The following DLG2 variants were observed in gnomAD, a reference collection of about 807,000 sequenced individuals.
DLG2 encodes disks large homolog 2.
Under a neutral mutation model 132.5 loss-of-function variants are expected in DLG2, and 45 were observed. The ratio of observed to expected loss-of-function variants is 0.34; its 90% CI spans 0.27 to 0.44. The LOEUF (loss-of-function observed/expected upper bound fraction) is 0.44. Ranked by LOEUF, DLG2 falls within the 20% of genes least tolerant of loss-of-function variation. The pLI is 1.00. For missense variants in DLG2, 1,045 were observed against 1,196.9 expected, an observed-to-expected ratio of 0.87 and a Z score of 1.87; for synonymous variants, 424 against 419.6, an observed-to-expected ratio of 1.01 and a Z score of -0.13.
chr11:83,882,845 G>A (rs2066663819), intron 15 of DLG2, among the ~76,000 whole-genome samples: 1 of 152,160 alleles, frequency 6.6e-6, no homozygotes, highest in Non-Finnish European at 1.5e-5. Flanking sequence ...TATCTTTAAA[G>A]AATAGCATGG....
At chr11:83,813,628 A>G (rs1423056128) in intron 17 of DLG2, among the ~76,000 whole-genome samples, 1 of 152,162 alleles carries the variant, frequency 6.6e-6, no homozygotes, top group Non-Finnish European at 1.5e-5. Flanking sequence ...TACATGGTTT[A>G]GTATTTAAAA....
chr11:85,398,467 T>G (rs946118530), intron 3 of DLG2, among the ~76,000 whole-genome samples: 1 of 151,906 alleles, frequency 6.6e-6, no homozygotes, highest in African/African-American at 2.4e-5. Context: ...AAAAAAATCT[T>G]CAAAAAATCA....
intron 6 of DLG2, among the ~76,000 whole-genome samples, chr11:84,589,006 A>T (rs2099536495): frequency 6.6e-6 from 1 of 152,090 alleles, no homozygotes; most frequent in African/African-American, 2.4e-5. Context: ...CAGAAGGGAC[A>T]ATAGTGAGGA....
intron 15 of DLG2, among the ~76,000 whole-genome samples, chr11:83,880,816 A>G (rs2066031869): frequency 6.6e-6 from 1 of 152,194 alleles, no homozygotes. Flanking sequence ...ATAATTATTA[A>G]AAAGTTCTTC....
intron 6 of DLG2, among the ~76,000 whole-genome samples, chr11:84,760,537 T>G (rs2067473224): frequency 6.6e-6 from 1 of 152,216 alleles, no homozygotes; most frequent in African/African-American, 2.4e-5. Context: ...AATTGTGATG[T>G]GATGACCTGT....
intron 6 of DLG2, among the ~76,000 whole-genome samples, chr11:84,669,416 A>G (rs2099703338): frequency 6.6e-6 from 1 of 152,140 alleles, no homozygotes; most frequent in African/African-American, 2.4e-5. Context: ...CAAATACCAG[A>G]CTGTCTATAT....
At chr11:83,590,303 C>G (rs993325052) in intron 19 of DLG2, among the ~76,000 whole-genome samples, 30 of 152,282 alleles carry the variant, frequency 2.0e-4, no homozygotes, top group African/African-American at 1.7e-4. Context: ...TCAGACCACA[C>G]TGCAATCAAA....
chr11:84,730,204 A>G (rs1288207938), intron 6 of DLG2, among the ~76,000 whole-genome samples: 2 of 152,078 alleles, frequency 1.3e-5, no homozygotes, highest in African/African-American at 4.8e-5. Flanking sequence ...CAGTTTGGAC[A>G]CTTGCTATGC....
At chr11:85,235,100 A>G (rs2075512989) in intron 4 of DLG2, among the ~76,000 whole-genome samples, 1 of 152,068 alleles carries the variant, frequency 6.6e-6, no homozygotes, top group Non-Finnish European at 1.5e-5. Context: ...GTAATAAGGC[A>G]GATGGATTAA....
At chr11:83,467,106 C>T (rs1258621332) in intron 25 of DLG2, among the ~76,000 whole-genome samples, 1 of 152,154 alleles carries the variant, frequency 6.6e-6, no homozygotes, top group Non-Finnish European at 1.5e-5. Flanking sequence ...AGATGACATG[C>T]AGCCGTATGT....
intron 7 of DLG2, among the ~76,000 whole-genome samples, chr11:84,304,938 AT>A (rs1268504253): frequency 9.2e-5 from 14 of 152,232 alleles, no homozygotes; most frequent in Admixed American, 9.2e-4. Context: ...CCATTTGATA[AT>A]GTTTTGTAAT....
At chr11:85,500,884 C>T (rs1413601723) in intron 3 of DLG2, among the ~76,000 whole-genome samples, 4 of 152,210 alleles carry the variant, frequency 2.6e-5, no homozygotes, top group Non-Finnish European at 5.9e-5. Flanking sequence ...CATCAAGTTA[C>T]CACTGACTTT....
chr11:84,152,448 G>A lies in DLG2; in HGVS notation c.624+11013C>T, dbSNP rs537543357. 7.3e-5 allele frequency among the ~76,000 whole-genome samples: 11 copies of A among 150,078 alleles called. No homozygotes were observed. In the South Asian group the frequency reaches 1.1e-3, roughly 14 times the overall value. ...GTTGCCCAGGCTGGAGTGCAGTGGC[G>A]CAATCTCGGCTCACTGCAAGCTCCA... On this transcript the variant is annotated intron_variant, in intron 9 of 27. Transcript: ENST00000376104.
intron 6 of DLG2, among the ~76,000 whole-genome samples, chr11:84,934,201 T>G (rs958664933): frequency 6.6e-6 from 1 of 152,150 alleles, no homozygotes; most frequent in African/African-American, 2.4e-5. Context: ...TTGAACCAAC[T>G]TTGCATCCCA....
chr11:83,957,529 T>C (rs2087192787), intron 14 of DLG2, among the ~76,000 whole-genome samples: 1 of 149,864 alleles, frequency 6.7e-6, no homozygotes, highest in South Asian at 2.1e-4. Context: ...TCCAGTGGTC[T>C]CTCTACTCCA....
intron 6 of DLG2, among the ~76,000 whole-genome samples, chr11:84,969,906 C>G (rs1010094307): frequency 7.9e-5 from 12 of 152,080 alleles, no homozygotes; most frequent in East Asian, 3.8e-4. Context: ...TCTCAGCAAA[C>G]TAACACAGGA....
intron 2 of DLG2, among the ~76,000 whole-genome samples, chr11:85,615,810 G>A (rs2081294182): frequency 6.6e-6 from 1 of 151,740 alleles, no homozygotes; most frequent in South Asian, 2.1e-4. Context: ...ATGCATCATT[G>A]CCATATCTGG....
chr11:83,739,157 T>G (rs1458496515), intron 18 of DLG2, among the ~76,000 whole-genome samples: 2 of 152,160 alleles, frequency 1.3e-5, no homozygotes, highest in Non-Finnish European at 2.9e-5. Flanking sequence ...TGATTCAAAT[T>G]ATCTTAACTG....
chr11:84,917,189 T>C (rs1198671845), intron 6 of DLG2, among the ~76,000 whole-genome samples: 1 of 152,172 alleles, frequency 6.6e-6, no homozygotes, highest in Non-Finnish European at 1.5e-5. Context: ...TGACCCGTAA[T>C]AGGTACTATA....
Sources: gnomAD v4.1 joint callset for allele counts (sites outside exome capture counted in the v4.1 genomes callset) on GRCh38, gnomAD v4.1.1 for gene constraint, MANE v1.5 for transcripts, NCBI Gene and HGNC (gene_info 2026-07-23, HGNC 2026-07-21) for gene names.